The following TPGS2 variants were observed in gnomAD, a reference collection of about 807,000 sequenced individuals.
TPGS2 encodes the protein tubulin polyglutamylase complex subunit 2.
A neutral mutation model predicts 31.1 loss-of-function variants in TPGS2; 26 were observed. The ratio of observed to expected loss-of-function variants is 0.84; its 90% confidence interval spans 0.61 to 1.16. The LOEUF (loss-of-function observed/expected upper bound fraction) is 1.16. Ranked by LOEUF, TPGS2 falls within the 50% of genes most tolerant of loss-of-function variation. TPGS2 has a pLI of 0.00. For missense variants in TPGS2, 351 were observed against 363.8 expected (o/e 0.96, Z 0.29); for synonymous variants, 130 against 136.6 (o/e 0.95, Z 0.34).
chr18:36,796,011 T>C lies in TPGS2; in HGVS notation c.*794A>G. The C allele has an allele frequency of 1.0e-6, 1 of 985,436 alleles. No homozygotes were observed. The highest frequency in any genetic ancestry group is 1.2e-6 in the Non-Finnish European group (1 of 829,940). The allele number at this position is 985,436 out of a possible 1,614,324, so 61.0% of individuals were successfully genotyped here. On this transcript the variant is annotated 3_prime_UTR_variant, in exon 7 of 7. Coordinates refer to ENST00000334295, the MANE Select transcript of TPGS2 (RefSeq NM_015476.4). ...TTTAAAAAGTTAATAAGGAAGATAA[T>C]TGTGGAACGTGTACAAACATCATAA...
chr18:36,818,950 C>T lies in TPGS2; in HGVS notation c.109G>A (p.Val37Met). The T allele has an allele frequency of 6.2e-7, 1 of 1,613,596 alleles. No individual in the cohort carries two copies. The highest frequency in any genetic ancestry group is 8.5e-7 in the Non-Finnish European group (1 of 1,179,678). ...GCAGGAGGCTTTTCTATGATGGTCA[C>T]CTCAGTCACACCTGGGGAAGATTCT... ...ILESSPGVTE[V>M]TIIEKPPAER... The change falls in exon 2 of 7, where the codon GTG becomes ATG. Residue 37 changes from valine (V) to methionine (M), a missense_variant. Physicochemically the swap from Val to Met is conservative, Grantham distance 21. Transcript: ENST00000334295.
chr18:36,799,370 G>A (rs188910966), intron 5 of TPGS2, among the ~76,000 whole-genome samples: 16 of 152,220 alleles, frequency 1.1e-4, no homozygotes, highest in Non-Finnish European at 1.8e-4. Context: ...TAGCCTTCTA[G>A]CTTAATCTCC....
At chr18:36,798,697 A>C in intron 5 of TPGS2, 88 bp from the exon 6 acceptor site, 1 of 1,392,568 alleles carries the variant, frequency 7.2e-7, no homozygotes, top group Non-Finnish European at 9.5e-7. Context: ...TCATGGCCTT[A>C]AAAAAAAATC....
intron 2 of TPGS2, among the ~76,000 whole-genome samples, chr18:36,808,826 A>T (rs1292649399): frequency 2.6e-5 from 4 of 152,190 alleles, no homozygotes; most frequent in African/African-American, 9.7e-5. Context: ...ACCAGGAACA[A>T]GCCCTACATT....
At chr18:36,808,068 A>T (rs1015482137) in intron 2 of TPGS2, 134 bp from the exon 3 acceptor site, 1 of 847,280 alleles carries the variant, frequency 1.2e-6, no homozygotes, top group Non-Finnish European at 1.9e-6. Flanking sequence ...TCACCTACAA[A>T]ACTCTATTAG....
chr18:36,814,376 A>G (rs1017617364), intron 2 of TPGS2, among the ~76,000 whole-genome samples: 5 of 152,352 alleles, frequency 3.3e-5, no homozygotes, highest in South Asian at 2.1e-4. Flanking sequence ...TTGTGTATTT[A>G]AGAAGAAAAA....
chr18:36,805,588 G>C, intron 3 of TPGS2, 86 bp from the exon 4 acceptor site: 1 of 1,571,300 alleles, frequency 6.4e-7, no homozygotes, highest in South Asian at 1.2e-5. Context: ...AATAACCTAA[G>C]CCCAGGTATT....
chr18:36,781,628 T>A (rs1281002402), downstream of TPGS2, among the ~76,000 whole-genome samples: 2 of 152,034 alleles, frequency 1.3e-5, no homozygotes, highest in Non-Finnish European at 2.9e-5. Flanking sequence ...GGTGACAGAG[T>A]GAGACTCTGT....
chr18:36,786,834 C>T (rs1192206257), intron 6 of TPGS2: 2 of 1,234,232 alleles, frequency 1.6e-6, no homozygotes, highest in East Asian at 6.3e-5. Flanking sequence ...AGAAGCAACA[C>T]CTAACAGTGA....
intron 2 of TPGS2, among the ~76,000 whole-genome samples, chr18:36,810,195 G>T (rs546973663): frequency 6.6e-6 from 1 of 152,334 alleles, no homozygotes; most frequent in South Asian, 2.1e-4. Context: ...TGGGCCTGCA[G>T]TTCTCCAGCC....
intron 4 of TPGS2, among the ~76,000 whole-genome samples, chr18:36,801,908 C>A (rs2044837711): frequency 6.6e-6 from 1 of 152,270 alleles, no homozygotes; most frequent in East Asian, 1.9e-4. Context: ...TATTTGCTAG[C>A]CCCTGACCCC....
At chr18:36,784,747 T>C (rs761203717) in intron 6 of TPGS2, among the ~76,000 whole-genome samples, 2 of 152,210 alleles carry the variant, frequency 1.3e-5, no homozygotes, top group Admixed American at 6.5e-5. Context: ...ATGAGACATA[T>C]TGAATAACTC....
chr18:36,822,009 G>C (rs1456179416), intron 1 of TPGS2, among the ~76,000 whole-genome samples: 1 of 152,168 alleles, frequency 6.6e-6, no homozygotes, highest in African/African-American at 2.4e-5. Context: ...AGAACAAATG[G>C]GGAGACCAGG....
At chr18:36,813,788 A>G (rs1315653993) in intron 2 of TPGS2, among the ~76,000 whole-genome samples, 4 of 152,222 alleles carry the variant, frequency 2.6e-5, no homozygotes, top group East Asian at 1.9e-4. Flanking sequence ...GGAAGCCCCT[A>G]TGGGGAAGCT....
At chr18:36,788,380 C>A (rs1245721047) in intron 6 of TPGS2, among the ~76,000 whole-genome samples, 1 of 152,188 alleles carries the variant, frequency 6.6e-6, no homozygotes, top group African/African-American at 2.4e-5. Context: ...TAAACACAAA[C>A]CCTCAAGTAC....
chr18:36,804,655 C>G (rs983342927), intron 4 of TPGS2, among the ~76,000 whole-genome samples: 5 of 152,184 alleles, frequency 3.3e-5, no homozygotes, highest in African/African-American at 1.2e-4. Flanking sequence ...GTTGCCTATT[C>G]ACTATTTGTT....
At chr18:36,784,345 G>A (rs1385620709) in intron 6 of TPGS2, among the ~76,000 whole-genome samples, 1 of 152,160 alleles carries the variant, frequency 6.6e-6, no homozygotes, top group Non-Finnish European at 1.5e-5. Context: ...CCTTTCCTGG[G>A]GCCTGGGAAG....
chr18:36,791,627 A>G (rs1322571334), downstream of TPGS2, among the ~76,000 whole-genome samples: 1 of 152,180 alleles, frequency 6.6e-6, no homozygotes, highest in Non-Finnish European at 1.5e-5. Flanking sequence ...ATTCTCAACT[A>G]TATATTAGCT....
At chr18:36,804,820 T>C (rs1357006816) in intron 4 of TPGS2, among the ~76,000 whole-genome samples, 1 of 152,222 alleles carries the variant, frequency 6.6e-6, no homozygotes, top group African/African-American at 2.4e-5. Context: ...CATTGTTTTC[T>C]TGATCAAAAG....
Sources: allele counts gnomAD v4.1 joint callset (sites outside exome capture counted in the v4.1 genomes callset), GRCh38; gene constraint gnomAD v4.1.1; transcripts MANE v1.5; gene names NCBI Gene and HGNC (gene_info 2026-07-23, HGNC 2026-07-21).